The following NTM variants were observed in gnomAD, a reference collection of about 807,000 sequenced individuals.
NTM encodes the protein neurotrimin.
A neutral mutation model predicts 42.1 loss-of-function variants in NTM; 13 were observed. The observed-to-expected ratio is 0.31, with a 90% CI of 0.20 to 0.49. NTM has a LOEUF of 0.49. Among genes scored for constraint, NTM ranks in the 20% least tolerant of loss-of-function variants. NTM has a pLI of 0.99. For synonymous variants in NTM, 187 were observed against 179.2 expected (o/e 1.04, Z -0.35); for missense variants, 373 against 452.8 (o/e 0.82, Z 1.60).
intron 1 of NTM, among the ~76,000 whole-genome samples, chr11:131,712,163 AT>A (rs1194804322): frequency 3.5e-3 from 495 of 143,286 alleles, no homozygotes; most frequent in Middle Eastern, 0.022. Context: ...AAAAATAAAA[AT>A]TAAAAAATTA....
chr11:131,692,115 T>C (rs1313274425), intron 1 of NTM, among the ~76,000 whole-genome samples: 1 of 152,172 alleles, frequency 6.6e-6, no homozygotes, highest in East Asian at 1.9e-4. Flanking sequence ...TTCGCGGTTC[T>C]TTACAACCTC....
intron 4 of NTM, among the ~76,000 whole-genome samples, chr11:132,258,893 G>A (rs1024656479): frequency 3.9e-5 from 6 of 152,326 alleles, no homozygotes; most frequent in African/African-American, 1.4e-4. Flanking sequence ...TGAATGTTCA[G>A]TTCAATTCAG....
intron 2 of NTM, among the ~76,000 whole-genome samples, chr11:131,979,041 G>T (rs1565872336): frequency 6.6e-6 from 1 of 151,952 alleles, no homozygotes; most frequent in Non-Finnish European, 1.5e-5. Flanking sequence ...CTCGCTCTTG[G>T]GTACATACTT....
chr11:131,618,116 TA>T (rs1254280759), intron 1 of NTM, among the ~76,000 whole-genome samples: 1 of 152,214 alleles, frequency 6.6e-6, no homozygotes, highest in Non-Finnish European at 1.5e-5. Context: ...TCTTTTCCAG[TA>T]AGGGAGACCT....
chr11:131,490,543 T>A (rs1043765589), intron 1 of NTM, among the ~76,000 whole-genome samples: 1 of 152,178 alleles, frequency 6.6e-6, no homozygotes, highest in Non-Finnish European at 1.5e-5. Context: ...TTCAGCTGGG[T>A]GCGCCTCTGA....
intron 1 of NTM, among the ~76,000 whole-genome samples, chr11:131,848,773 A>G (rs1414007443): frequency 3.9e-5 from 6 of 152,334 alleles, no homozygotes; most frequent in Admixed American, 3.9e-4. Flanking sequence ...AGGAAATATC[A>G]GAGCCAGAAC....
chr11:132,314,554 T>C lies in NTM; in HGVS notation c.785T>C (p.Leu262Pro). Residue 262 changes from leucine to proline, a missense_variant and splice_region_variant, in exon 7 of 9, where the codon CTG (leucine) becomes CCG (proline). Transcript: ENST00000683400. ...EFQWYKDDKR[L>P]IEGKKGVKVE... ...TTTTTGTCTTTTGTTTCTCTCAGAC[T>C]GATTGAAGGAAAGAAAGGGGTGAAA... 1 of 1,611,566 alleles carries C rather than the reference T, an allele frequency of 6.2e-7. No homozygotes were observed. Among genetic ancestry groups the C allele is most frequent in the Non-Finnish European group, 8.5e-7 (1 of 1,178,928 alleles).
At chr11:132,004,185 A>G (rs1388948504) in intron 2 of NTM, among the ~76,000 whole-genome samples, 1 of 152,192 alleles carries the variant, frequency 6.6e-6, no homozygotes, top group Non-Finnish European at 1.5e-5. Context: ...AGATGGTGGC[A>G]AAAGGTAACT....
chr11:131,721,298 C>T (rs1367182208), intron 1 of NTM, among the ~76,000 whole-genome samples: 1 of 152,100 alleles, frequency 6.6e-6, no homozygotes, highest in Non-Finnish European at 1.5e-5. Flanking sequence ...AGCACAATTG[C>T]TTTGGTGTCA....
At chr11:132,132,580 G>A (rs544417105) in intron 2 of NTM, among the ~76,000 whole-genome samples, 4 of 152,254 alleles carry the variant, frequency 2.6e-5, no homozygotes, top group African/African-American at 4.8e-5. Flanking sequence ...GATAGCATCC[G>A]CACTCAGAAG....
intron 1 of NTM, among the ~76,000 whole-genome samples, chr11:131,562,840 C>T (rs949882602): frequency 4.6e-5 from 7 of 152,142 alleles, no homozygotes; most frequent in Admixed American, 3.3e-4. Context: ...ACAAACAGCC[C>T]GAACCTTGCA....
At chr11:131,651,836 T>C (rs2066519777) in intron 1 of NTM, among the ~76,000 whole-genome samples, 1 of 116,198 alleles carries the variant, frequency 8.6e-6, no homozygotes, top group South Asian at 3.1e-4. Flanking sequence ...TGAGACTCCG[T>C]CCCCGCCCCC....
chr11:131,378,066 C>T (rs925890344), intron 1 of NTM, among the ~76,000 whole-genome samples: 1 of 152,198 alleles, frequency 6.6e-6, no homozygotes, highest in Non-Finnish European at 1.5e-5. Context: ...ACCATAGAAT[C>T]ACCTGGGAAA....
At chr11:131,865,252 T>C (rs1180077124) in intron 1 of NTM, among the ~76,000 whole-genome samples, 1 of 152,242 alleles carries the variant, frequency 6.6e-6, no homozygotes, top group Non-Finnish European at 1.5e-5. Context: ...TCAAGCCCCT[T>C]CTGTTGGATC....
chr11:131,935,641 G>C (rs903601121), intron 2 of NTM, among the ~76,000 whole-genome samples: 1 of 152,132 alleles, frequency 6.6e-6, no homozygotes, highest in Admixed American at 6.5e-5. Context: ...TGTTTTATCA[G>C]ATTTCCTCTG....
chr11:132,236,445 C>G (rs2088914459), intron 4 of NTM, among the ~76,000 whole-genome samples: 1 of 152,166 alleles, frequency 6.6e-6, no homozygotes, highest in Admixed American at 6.5e-5. Flanking sequence ...TCACATTTGT[C>G]AGCCGCTTCT....
At chr11:131,952,359 C>T (rs2061099148) in intron 2 of NTM, among the ~76,000 whole-genome samples, 1 of 152,184 alleles carries the variant, frequency 6.6e-6, no homozygotes, top group Non-Finnish European at 1.5e-5. Flanking sequence ...CTAAATACTT[C>T]CTACAAGTTT....
chr11:131,718,611 T>C (rs1407375604), intron 1 of NTM, among the ~76,000 whole-genome samples: 2 of 152,168 alleles, frequency 1.3e-5, no homozygotes, highest in African/African-American at 4.8e-5. Context: ...TTGCCCGGCC[T>C]TTGGGAAGTT....
intron 1 of NTM, among the ~76,000 whole-genome samples, chr11:131,763,709 CTTTTTTTTTTTTTT>C (rs557522093): frequency 7.0e-5 from 5 of 71,362 alleles, no homozygotes; most frequent in African/African-American, 1.1e-4. Context: ...ATCTCTCTCT[CTTTTTTTTTTTTTT>C]TTTTTTTTTT....
Sources: allele counts gnomAD v4.1 joint callset (sites outside exome capture counted in the v4.1 genomes callset), GRCh38; gene constraint gnomAD v4.1.1; transcripts MANE v1.5; gene names NCBI Gene and HGNC (gene_info 2026-07-23, HGNC 2026-07-21).